BNC2: variants seen among roughly 807,000 people sequenced by gnomAD.
The protein encoded by BNC2 is zinc finger protein basonuclin-2.
In BNC2, 20 loss-of-function variants were observed where a neutral mutation model predicts 76.3. The observed-to-expected ratio is 0.26, with a 90% CI of 0.18 to 0.38. The LOEUF (loss-of-function observed/expected upper bound fraction) is 0.38. BNC2 is among the 10% of genes least tolerant of loss of function. The probability of loss-of-function intolerance (pLI) is 1.00; values close to 1 mark genes in which losing one functional copy is unlikely to be tolerated. For synonymous variants in BNC2, 582 were observed against 514.8 expected (o/e 1.13, Z -1.77); for missense variants, 1,382 against 1,399.8 (o/e 0.99, Z 0.20).
intron 1 of BNC2, among the ~76,000 whole-genome samples, chr9:16,788,771 T>C (rs1817416015): frequency 6.6e-6 from 1 of 152,102 alleles, no homozygotes; most frequent in African/African-American, 2.4e-5. Context: ...CTCCTTCATA[T>C]GCCTCACACC....
intron 1 of BNC2, among the ~76,000 whole-genome samples, chr9:16,815,447 T>C (rs1818159681): frequency 6.6e-6 from 1 of 152,210 alleles, no homozygotes; most frequent in Admixed American, 6.5e-5. Flanking sequence ...TTCAAAGAGT[T>C]GAGGCAGGCA....
At chr9:16,499,660 G>A (rs1343906780) in intron 5 of BNC2, among the ~76,000 whole-genome samples, 3 of 151,072 alleles carry the variant, frequency 2.0e-5, no homozygotes, top group African/African-American at 7.3e-5. Flanking sequence ...TTCCCAAGTA[G>A]CTGGGACTAC....
At chr9:16,868,697 C>A (rs1329011877) in intron 1 of BNC2, among the ~76,000 whole-genome samples, 1 of 152,090 alleles carries the variant, frequency 6.6e-6, no homozygotes, top group Non-Finnish European at 1.5e-5. Flanking sequence ...TTTAATACAG[C>A]GCACTCTGGG....
intron 1 of BNC2, among the ~76,000 whole-genome samples, chr9:16,780,002 C>T (rs988459284): frequency 6.6e-5 from 10 of 151,302 alleles, no homozygotes; most frequent in South Asian, 2.1e-4. Flanking sequence ...TTTGGGAGGC[C>T]GAGGCGGGCG....
chr9:16,422,918 T>C (rs1174489440), intron 6 of BNC2, among the ~76,000 whole-genome samples: 1 of 152,076 alleles, frequency 6.6e-6, no homozygotes, highest in African/African-American at 2.4e-5. Context: ...TTAATAGCAA[T>C]TTGAGGACTA....
chr9:16,571,638 A>C (rs984434383), intron 4 of BNC2, among the ~76,000 whole-genome samples: 1 of 152,028 alleles, frequency 6.6e-6, no homozygotes, highest in Non-Finnish European at 1.5e-5. Flanking sequence ...GCAATTGCGC[A>C]CTCAGCACCC....
intron 3 of BNC2, among the ~76,000 whole-genome samples, chr9:16,585,935 T>C (rs1021952899): frequency 6.6e-6 from 1 of 152,086 alleles, no homozygotes; most frequent in African/African-American, 2.4e-5. Context: ...AATGCAGGTA[T>C]GCAGAAAGGA....
chr9:16,753,828 G>A (rs1241747649), intron 1 of BNC2, among the ~76,000 whole-genome samples: 1 of 151,362 alleles, frequency 6.6e-6, no homozygotes, highest in Non-Finnish European at 1.5e-5. Context: ...TCTATACAGA[G>A]TTCTATTCTT....
At position 16,437,455 on chromosome 9, in the gene BNC2, G is replaced by C. The variant is rs1169766092; in HGVS notation, c.739C>G (p.Gln247Glu). ...SREEEIITLQ[Q>E]FLRFGETKSI... is the part of the protein sequence containing the mutation. ...TTGGTTTCTCCAAACCGCAGAAACT[G>C]CTGAAGGGTGATGATTTCCTCTTCT... Residue 247 changes from glutamine to glutamate, a missense_variant, in exon 6 of 7, where the codon CAG becomes GAG. Physicochemically the swap from Gln to Glu is conservative, Grantham distance 29. Transcript: ENST00000380672. 1 of 1,613,460 alleles carries C rather than the reference G, an allele frequency of 6.2e-7. No individual in the cohort carries two copies. The highest frequency in any genetic ancestry group is 8.5e-7 in the Non-Finnish European group (1 of 1,179,860).
intron 5 of BNC2, among the ~76,000 whole-genome samples, chr9:16,491,047 C>CTT (rs1822268456): frequency 6.6e-6 from 1 of 152,092 alleles, no homozygotes. Flanking sequence ...AGGACAGAGA[C>CTT]GCAGACAGAC....
Position 16,757,762 on chromosome 9 carries a change from C to G in BNC2, c.4-19277G>C, listed in dbSNP as rs573247790. Among the ~76,000 whole-genome samples the G allele has an allele frequency of 3.4e-5, 5 of 148,926 alleles. No homozygotes were observed. In the South Asian group the frequency reaches 1.1e-3, roughly 32 times the overall value. The stretch of plus-strand genomic sequence containing the variant: ...CATACTTGCAAGGTCGCATCAAGTT[C>G]GTTCTGTTATTTAAAAGCAAAATTA... On this transcript the variant is annotated intron_variant, in intron 1 of 6. Coordinates refer to ENST00000380672, the MANE Select transcript of BNC2 (RefSeq NM_017637.6).
chr9:16,673,772 G>C (rs1355407896), intron 3 of BNC2, among the ~76,000 whole-genome samples: 1 of 152,092 alleles, frequency 6.6e-6, no homozygotes. Flanking sequence ...AATTTACACA[G>C]CCAGACACCT....
At chr9:16,489,850 C>G (rs1017532298) in intron 5 of BNC2, among the ~76,000 whole-genome samples, 6 of 152,174 alleles carry the variant, frequency 3.9e-5, no homozygotes, top group African/African-American at 1.4e-4. Context: ...GAGGAGGCAG[C>G]AGAACTTACT....
Position 16,862,529 on chromosome 9 carries a change from C to T in BNC2, c.3+8117G>A, listed in dbSNP as rs60169560. Among the ~76,000 whole-genome samples, 533 of 152,318 alleles carry T rather than the reference C, an allele frequency of 3.5e-3. 6 individuals carry two copies. The highest frequency in any genetic ancestry group is 0.012 in the African/African-American group (511 of 41,570). On this transcript the variant is annotated intron_variant, in intron 1 of 6. Coordinates refer to ENST00000380672, the MANE Select transcript of BNC2 (RefSeq NM_017637.6). ...ATAGATACCCCGTCCCAGCGCTGTT[C>T]TGAGTCTCTAACAGGCAACAGTACA... is the stretch of plus-strand genomic sequence containing the variant.
chr9:16,857,481 A>T (rs1029077579), intron 1 of BNC2, among the ~76,000 whole-genome samples: 4 of 9,490 alleles, frequency 4.2e-4, no homozygotes, highest in Non-Finnish European at 2.2e-3. Flanking sequence ...TGTCTCAAAT[A>T]AAAAAAAAAA....
At chr9:16,714,003 G>A (rs1158807844) in intron 3 of BNC2, among the ~76,000 whole-genome samples, 6 of 152,188 alleles carry the variant, frequency 3.9e-5, no homozygotes, top group Non-Finnish European at 5.9e-5. Context: ...GCGCCTGGGC[G>A]GGAGAGGTGG....
intron 5 of BNC2, among the ~76,000 whole-genome samples, chr9:16,529,028 G>A (rs572732402): frequency 6.6e-5 from 10 of 152,112 alleles, no homozygotes; most frequent in South Asian, 2.1e-4. Context: ...CCTAGCTTCC[G>A]GAGGCTCTGC....
At chr9:16,750,927 G>A (rs550171929) in intron 1 of BNC2, among the ~76,000 whole-genome samples, 10 of 152,322 alleles carry the variant, frequency 6.6e-5, no homozygotes, top group African/African-American at 2.4e-4. Context: ...TTCAGGAGAT[G>A]CTTCCACTGA....
At chr9:16,550,257 G>GT (rs142232253) in intron 5 of BNC2, among the ~76,000 whole-genome samples, 5,818 of 151,182 alleles carry the variant, frequency 0.038, 379 homozygotes, top group African/African-American at 0.13. Flanking sequence ...CATTATGAGA[G>GT]TTTTTTTTTA....
Sources: allele counts gnomAD v4.1 joint callset (sites outside exome capture counted in the v4.1 genomes callset), GRCh38; gene constraint gnomAD v4.1.1; transcripts MANE v1.5; gene names NCBI Gene and HGNC (gene_info 2026-07-23, HGNC 2026-07-21).